The following CTNNA3 variants were observed in gnomAD, a reference collection of about 807,000 sequenced individuals.
CTNNA3 encodes catenin alpha 3, also known as catenin alpha-3.
In CTNNA3, 76 loss-of-function variants were observed where a neutral mutation model predicts 95.7. That is an observed-to-expected ratio of 0.79 (90% confidence interval 0.66 to 0.96). The LOEUF (loss-of-function observed/expected upper bound fraction) is 0.96. Among genes scored for constraint, CTNNA3 ranks in the 40% least tolerant of loss-of-function variants. The probability of loss-of-function intolerance (pLI) is 0.00; values close to 1 mark genes in which losing one functional copy is unlikely to be tolerated. For synonymous variants in CTNNA3, 431 were observed against 374.4 expected, an observed-to-expected ratio of 1.15 and a Z score of -1.74; for missense variants, 1,191 against 1,089.8, an observed-to-expected ratio of 1.09 and a Z score of -1.31.
intron 1 of CTNNA3, among the ~76,000 whole-genome samples, chr10:67,727,532 C>A (rs1841243668): frequency 7.9e-6 from 1 of 126,088 alleles, no homozygotes; most frequent in Admixed American, 9.4e-5. Context: ...TATTATGTAA[C>A]ATATTATATA....
At chr10:66,114,028 T>C (rs953698161) in intron 13 of CTNNA3, among the ~76,000 whole-genome samples, 2 of 152,116 alleles carry the variant, frequency 1.3e-5, no homozygotes, top group Non-Finnish European at 2.9e-5. Flanking sequence ...TAGCAGCAGA[T>C]GGCTAGAAAC....
intron 6 of CTNNA3, among the ~76,000 whole-genome samples, chr10:67,207,274 C>T (rs1428126485): frequency 2.0e-5 from 3 of 152,110 alleles, no homozygotes; most frequent in African/African-American, 7.2e-5. Context: ...TAATAACTCT[C>T]ATAATTCAGA....
At chr10:66,129,556 A>T (rs920328905) in intron 13 of CTNNA3, among the ~76,000 whole-genome samples, 1 of 151,942 alleles carries the variant, frequency 6.6e-6, no homozygotes, top group Non-Finnish European at 1.5e-5. Flanking sequence ...TTGAACGTGA[A>T]CTCTGCAGGG....
chr10:66,062,390 G>C (rs2080220425), intron 15 of CTNNA3, among the ~76,000 whole-genome samples: 1 of 152,020 alleles, frequency 6.6e-6, no homozygotes, highest in South Asian at 2.1e-4. Flanking sequence ...ACTACTAGCT[G>C]ATAAATACTG....
chr10:66,382,113 G>A (rs1178532994), intron 11 of CTNNA3, among the ~76,000 whole-genome samples: 4 of 152,142 alleles, frequency 2.6e-5, no homozygotes, highest in Non-Finnish European at 5.9e-5. Flanking sequence ...GGGGTGAGCT[G>A]AAGCAGGACA....
At chr10:66,367,665 TA>T (rs1186878556) in intron 12 of CTNNA3, among the ~76,000 whole-genome samples, 1 of 149,510 alleles carries the variant, frequency 6.7e-6, no homozygotes, top group Non-Finnish European at 1.5e-5. Flanking sequence ...AAGTTAAGCA[TA>T]AGCTGATAGC....
intron 7 of CTNNA3, among the ~76,000 whole-genome samples, chr10:67,014,844 A>T (rs1452971898): frequency 6.6e-6 from 1 of 152,140 alleles, no homozygotes; most frequent in Admixed American, 6.5e-5. Context: ...CAAGGTAGAA[A>T]AATGGTCAGA....
chr10:66,584,627 T>C (rs1205868502), intron 10 of CTNNA3, among the ~76,000 whole-genome samples: 2 of 151,948 alleles, frequency 1.3e-5, no homozygotes, highest in African/African-American at 2.4e-5. Context: ...GCTTGCAAAT[T>C]TTTAAAATCC....
chr10:67,334,221 C>G (rs1841902142), intron 5 of CTNNA3: 2 of 157,438 alleles, frequency 1.3e-5, no homozygotes, highest in Non-Finnish European at 2.8e-5. Flanking sequence ...GAGAAAAGGT[C>G]TAAGAATTTT....
intron 2 of CTNNA3, among the ~76,000 whole-genome samples, chr10:67,612,960 C>T (rs1843512565): frequency 6.6e-6 from 1 of 152,176 alleles, no homozygotes; most frequent in Non-Finnish European, 1.5e-5. Flanking sequence ...CCCTACATTC[C>T]CACTAGAGCC....
At chr10:66,165,508 G>A (rs2085082401) in intron 13 of CTNNA3, among the ~76,000 whole-genome samples, 1 of 151,924 alleles carries the variant, frequency 6.6e-6, no homozygotes, top group African/African-American at 2.4e-5. Context: ...AAAGAAAATA[G>A]TATGTGCTAA....
At chr10:65,953,166 C>T (rs532993292) in intron 17 of CTNNA3, among the ~76,000 whole-genome samples, 1 of 152,218 alleles carries the variant, frequency 6.6e-6, no homozygotes, top group Non-Finnish European at 1.5e-5. Context: ...TCCCACTAGG[C>T]GTGGTGTATA....
At chr10:66,752,856 G>GCACA (rs148337293) in intron 9 of CTNNA3, among the ~76,000 whole-genome samples, 1 of 149,756 alleles carries the variant, frequency 6.7e-6, no homozygotes, top group African/African-American at 2.4e-5. Context: ...ACACACACAC[G>GCACA]CACACACACA....
At chr10:67,726,458 G>C (rs373972994) in intron 1 of CTNNA3, among the ~76,000 whole-genome samples, 1 of 13,622 alleles carries the variant, frequency 7.3e-5, no homozygotes, top group Admixed American at 1.7e-3. Context: ...TATTATATAT[G>C]ATATATGATA....
chr10:66,028,226 C>T (rs918914439), intron 15 of CTNNA3, among the ~76,000 whole-genome samples: 2 of 152,166 alleles, frequency 1.3e-5, no homozygotes, highest in South Asian at 2.1e-4. Context: ...TACCATTTGA[C>T]CCAGCCATCC....
intron 15 of CTNNA3, among the ~76,000 whole-genome samples, chr10:66,064,254 C>T (rs1490382583): frequency 6.6e-6 from 1 of 152,100 alleles, no homozygotes; most frequent in Non-Finnish European, 1.5e-5. Flanking sequence ...GGGAAACTGA[C>T]GCCATGATTC....
At position 67,186,969 on chromosome 10, in the gene CTNNA3, C is replaced by T. The variant is rs114404731; in HGVS notation, c.844-6449G>A. ...AGAAGCAGATAGCCTGGGTTTGAAT[C>T]CTGGCGCATAGCTATAAACAAATAT... On this transcript the variant is annotated intron_variant, in intron 6 of 17. Coordinates refer to ENST00000433211, the MANE Select transcript of CTNNA3 (RefSeq NM_013266.4). Among the ~76,000 whole-genome samples the T allele has an allele frequency of 2.6e-3, 395 of 152,230 alleles. 4 individuals are homozygous for T. The highest frequency in any genetic ancestry group is 8.7e-3 in the African/African-American group (363 of 41,556).
At chr10:66,412,046 G>A (rs78590538) in intron 11 of CTNNA3, among the ~76,000 whole-genome samples, 3 of 152,060 alleles carry the variant, frequency 2.0e-5, no homozygotes, top group South Asian at 2.1e-4. Flanking sequence ...AGTTTCCTAC[G>A]GCAAAATTGT....
At chr10:67,344,145 T>C (rs1399081214) in intron 5 of CTNNA3, among the ~76,000 whole-genome samples, 1 of 151,938 alleles carries the variant, frequency 6.6e-6, no homozygotes, top group African/African-American at 2.4e-5. Flanking sequence ...ACATTGATTG[T>C]TTCATGTATG....
Sources: gnomAD v4.1 joint callset for allele counts (sites outside exome capture counted in the v4.1 genomes callset) on GRCh38, gnomAD v4.1.1 for gene constraint, MANE v1.5 for transcripts, NCBI Gene and HGNC (gene_info 2026-07-23, HGNC 2026-07-21) for gene names.